The following SORCS2 variants were observed in gnomAD, a reference collection of about 807,000 sequenced individuals.
SORCS2 encodes sortilin related VPS10 domain containing receptor 2.
A neutral mutation model predicts 141.6 loss-of-function variants in SORCS2; 100 were observed. The ratio of observed to expected loss-of-function variants is 0.71; its 90% CI spans 0.60 to 0.83. SORCS2 has a LOEUF of 0.83. Among genes scored for constraint, SORCS2 ranks in the 40% least tolerant of loss-of-function variants. SORCS2 has a pLI of 0.00. For missense variants in SORCS2, 1,646 were observed against 1,560.2 expected (o/e 1.05, Z -0.93); for synonymous variants, 789 against 676.9 (o/e 1.17, Z -2.57).
intron 1 of SORCS2, among the ~76,000 whole-genome samples, chr4:7,333,697 C>A (rs1254839252): frequency 6.6e-6 from 1 of 152,208 alleles, no homozygotes; most frequent in Non-Finnish European, 1.5e-5. Context: ...GCCCAGGTCT[C>A]CCCACAGGTT....
intron 5 of SORCS2, among the ~76,000 whole-genome samples, chr4:7,659,289 GAAA>G (rs1215109826): frequency 1.4e-5 from 2 of 138,524 alleles, no homozygotes; most frequent in Admixed American, 7.3e-5. Context: ...AAAAAAAAAA[GAAA>G]AAAAAAAAAT....
At chr4:7,639,510 G>A (rs1720499424) in intron 4 of SORCS2, among the ~76,000 whole-genome samples, 1 of 139,466 alleles carries the variant, frequency 7.2e-6, no homozygotes, top group Non-Finnish European at 1.6e-5. Flanking sequence ...GGGTGTGAAT[G>A]TGTGGGTTTG....
chr4:7,408,705 T>C (rs1177273106), intron 2 of SORCS2, among the ~76,000 whole-genome samples: 1 of 152,226 alleles, frequency 6.6e-6, no homozygotes, highest in Non-Finnish European at 1.5e-5. Flanking sequence ...ACTCTTGCTC[T>C]TCCTCTACTT....
rs1249895193 is a variant in SORCS2 at position 7,726,843 on chromosome 4, A to G, written c.2809A>G (p.Thr937Ala). 5.0e-6 allele frequency: 8 copies of G among 1,613,862 alleles called. No individual in the cohort carries two copies. The highest frequency in any genetic ancestry group is 6.8e-6 in the Non-Finnish European group (8 of 1,179,850). The change falls in exon 21 of 27, where the codon ACG (threonine) becomes GCG (alanine). Residue 937 changes from threonine (T) to alanine (A), a missense_variant. Thr to Ala is a moderately conservative substitution (Grantham distance 58, BLOSUM62 0). Transcript: ENST00000507866. ...TTCGGACACGGGCGACGTGCGTGTG[A>G]CGGTGCAGGCCGCCTGTGGGAACTC... The part of the protein sequence containing the change: ...RFSDTGDVRV[T>A]VQAACGNSVL...
At chr4:7,707,500 C>T (rs1379853429) in intron 14 of SORCS2, among the ~76,000 whole-genome samples, 4 of 152,166 alleles carry the variant, frequency 2.6e-5, no homozygotes, top group East Asian at 1.9e-4. Context: ...TTAAGATGAG[C>T]GGGTCAGCAA....
intron 4 of SORCS2, among the ~76,000 whole-genome samples, chr4:7,640,411 AGT>A (rs1187362633): frequency 1.0e-4 from 7 of 67,558 alleles, no homozygotes; most frequent in South Asian, 5.2e-4. Flanking sequence ...TGTGTGGGTG[AGT>A]GTGTGTGATC....
chr4:7,618,992 G>A (rs535285493), intron 3 of SORCS2, among the ~76,000 whole-genome samples: 33 of 152,142 alleles, frequency 2.2e-4, no homozygotes, highest in African/African-American at 7.5e-4. Flanking sequence ...ATTTCTAACC[G>A]GCAAATGTGA....
At chr4:7,352,435 A>G (rs889452996) in intron 1 of SORCS2, among the ~76,000 whole-genome samples, 2 of 152,210 alleles carry the variant, frequency 1.3e-5, no homozygotes, top group South Asian at 2.1e-4. Context: ...ACTCACCCCA[A>G]TCTCCTGGAT....
rs770293852 is a variant in SORCS2 at position 7,723,825 on chromosome 4, C to T, written c.2553C>T (p.Ser851=). 20 of 1,613,216 alleles carry T rather than the reference C, an allele frequency of 1.2e-5. No individual in the cohort carries two copies. The highest frequency in any genetic ancestry group is 5.5e-5 in the South Asian group (5 of 91,092). Residue 851 remains serine (S), a synonymous_variant, in exon 19 of 27, where the codon TCC becomes TCT. Transcript: ENST00000507866. Reference sequence around the variant, plus strand: ...AGAGCCCCGGCATCTACCGCGTGTCCGTCAGGGCAGAGAACACGGCAGGCC... The same window carrying T: ...AGAGCCCCGGCATCTACCGCGTGTCTGTCAGGGCAGAGAACACGGCAGGCC... ...RYESPGIYRV[S]VRAENTAGHD...
At chr4:7,251,490 T>C (rs1713506328) in intron 1 of SORCS2, among the ~76,000 whole-genome samples, 1 of 152,194 alleles carries the variant, frequency 6.6e-6, no homozygotes, top group Non-Finnish European at 1.5e-5. Context: ...TAATGTGCTG[T>C]TCTCAAGACT....
At chr4:7,269,346 C>T (rs1714961047) in intron 1 of SORCS2, among the ~76,000 whole-genome samples, 1 of 152,354 alleles carries the variant, frequency 6.6e-6, no homozygotes, top group Middle Eastern at 3.4e-3. Flanking sequence ...TGCACCATGA[C>T]ATGCGGCCAG....
In SORCS2 at chr4:7,433,478, C is replaced by T. The variant is rs767245257; in HGVS notation, c.548+37123C>T. The T allele has an allele frequency of 5.8e-5, 91 of 1,578,820 alleles. No homozygotes were observed. Among genetic ancestry groups the T allele is most frequent in the Non-Finnish European group, 6.8e-5 (79 of 1,163,446 alleles). ...AGTGGGGTCCTGGGGCCGTGGCAGG[C>T]CCCCACCTTCTTGCACACAGCCACG... On this transcript the variant is annotated intron_variant, in intron 2 of 26. Coordinates refer to ENST00000507866, the MANE Select transcript of SORCS2 (RefSeq NM_020777.3).
chr4:7,419,319 G>C (rs35618033), intron 2 of SORCS2, among the ~76,000 whole-genome samples: 1,945 of 152,272 alleles, frequency 0.013, 14 homozygotes, highest in Non-Finnish European at 0.019. Flanking sequence ...ATCTGGAGAA[G>C]ACCTTTTTGC....
Position 7,723,788 on chromosome 4 carries a change from G to A in SORCS2, c.2516G>A (p.Arg839Gln), listed in dbSNP as rs753277765. The A allele has an allele frequency of 4.3e-5, 70 of 1,613,786 alleles. No homozygotes were observed. Among genetic ancestry groups the A allele is most frequent in the Admixed American group, 3.0e-4 (18 of 60,014 alleles). The change falls in exon 19 of 27, where the codon CGG (arginine) becomes CAG (glutamine). Residue 839 changes from arginine (R) to glutamine (Q), a missense_variant. Physicochemically the swap from Arg to Gln is conservative, Grantham distance 43 (BLOSUM62 1). Coordinates refer to ENST00000507866, the MANE Select transcript of SORCS2 (RefSeq NM_020777.3). ...CTTACACTGACCGGGGAGCCCATCCGGCACCGCTACGAGAGCCCCGGCATC... is the reference window on the plus strand; with the variant it reads ...CTTACACTGACCGGGGAGCCCATCCAGCACCGCTACGAGAGCCCCGGCATC... ...VNLTLTGEPIRHRYESPGIYR... is the reference protein window; with the variant it reads ...VNLTLTGEPIQHRYESPGIYR...
intron 1 of SORCS2, among the ~76,000 whole-genome samples, chr4:7,329,193 C>T (rs907544964): frequency 2.0e-5 from 3 of 152,186 alleles, no homozygotes; most frequent in African/African-American, 7.2e-5. Flanking sequence ...TCAGTAGGGG[C>T]TCCGAATGGC....
At chr4:7,644,129 C>A (rs914577510) in intron 4 of SORCS2, among the ~76,000 whole-genome samples, 2 of 152,152 alleles carry the variant, frequency 1.3e-5, no homozygotes, top group African/African-American at 2.4e-5. Flanking sequence ...TTACACTAGA[C>A]CCCCCTTCCC....
In SORCS2 at chr4:7,258,489, T is replaced by C. The variant is rs558653078; in HGVS notation, c.480+65363T>C. Among the ~76,000 whole-genome samples, 9 of 152,362 alleles carry C rather than the reference T, an allele frequency of 5.9e-5. No individual in the cohort carries two copies. The South Asian group carries it at 1.9e-3, about 32-fold the overall frequency. ...AGGACATGAACTCATTCCTTTTTTA[T>C]GGCTGCATAGTATCCCATGGTGTAT... is the stretch of plus-strand genomic sequence containing the variant. On this transcript the variant is annotated intron_variant, in intron 1 of 26. Coordinates refer to ENST00000507866, the MANE Select transcript of SORCS2 (RefSeq NM_020777.3).
At chr4:7,474,847 G>T (rs1321010777) in intron 2 of SORCS2, among the ~76,000 whole-genome samples, 1 of 152,172 alleles carries the variant, frequency 6.6e-6, no homozygotes, top group Non-Finnish European at 1.5e-5. Context: ...GGGGTCTGCA[G>T]GGCCAGGCTC....
intron 2 of SORCS2, among the ~76,000 whole-genome samples, chr4:7,428,943 G>A (rs1169312193): frequency 6.6e-6 from 1 of 152,122 alleles, no homozygotes; most frequent in African/African-American, 2.4e-5. Flanking sequence ...TGAGCCGAGT[G>A]GCTGGCTCAC....
Sources: allele counts gnomAD v4.1 joint callset (sites outside exome capture counted in the v4.1 genomes callset), GRCh38; gene constraint gnomAD v4.1.1; transcripts MANE v1.5; gene names NCBI Gene and HGNC (gene_info 2026-07-23, HGNC 2026-07-21).